PTPRD: variants seen among roughly 807,000 people sequenced by gnomAD.
PTPRD encodes protein tyrosine phosphatase receptor type D.
A neutral mutation model predicts 214.5 loss-of-function variants in PTPRD; 34 were observed. The ratio of observed to expected loss-of-function variants is 0.16; its 90% CI spans 0.12 to 0.21. The LOEUF is 0.21. PTPRD is among the 10% of genes least tolerant of loss of function. The pLI, the probability that PTPRD is intolerant of heterozygous loss-of-function variation, is 1.00. For synonymous variants in PTPRD, 1,128 were observed against 845.7 expected, an observed-to-expected ratio of 1.33 and a Z score of -5.79; for missense variants, 2,545 against 2,398.7, an observed-to-expected ratio of 1.06 and a Z score of -1.27.
intron 11 of PTPRD, among the ~76,000 whole-genome samples, chr9:8,901,178 G>A (rs1229015689): frequency 6.6e-6 from 1 of 152,140 alleles, no homozygotes; most frequent in East Asian, 1.9e-4. Flanking sequence ...GAGCTCAACA[G>A]CTCTGCACAT....
intron 3 of PTPRD, among the ~76,000 whole-genome samples, chr9:10,066,582 C>T (rs2097889486): frequency 6.6e-6 from 1 of 151,752 alleles, no homozygotes; most frequent in African/African-American, 2.4e-5. Context: ...AATCATGCCT[C>T]CATGGGGGGA....
intron 9 of PTPRD, among the ~76,000 whole-genome samples, chr9:9,224,505 G>A (rs984222378): frequency 1.1e-4 from 16 of 151,778 alleles, no homozygotes; most frequent in Non-Finnish European, 2.1e-4. Context: ...CTGAAAATGG[G>A]GGATAATAAA....
chr9:10,258,972 G>T (rs1301725589), intron 3 of PTPRD, among the ~76,000 whole-genome samples: 1 of 152,044 alleles, frequency 6.6e-6, no homozygotes, highest in East Asian at 1.9e-4. Context: ...AATTTTAAAG[G>T]TATCTGTTTC....
chr9:9,111,444 G>T (rs1025849007), intron 10 of PTPRD, among the ~76,000 whole-genome samples: 4 of 151,842 alleles, frequency 2.6e-5, no homozygotes, highest in African/African-American at 9.7e-5. Flanking sequence ...TCCTCACTTT[G>T]GATGTGGTCA....
chr9:8,965,989 C>T (rs1377121854), intron 11 of PTPRD, among the ~76,000 whole-genome samples: 2 of 151,982 alleles, frequency 1.3e-5, no homozygotes, highest in East Asian at 3.9e-4. Context: ...TTCTATACAC[C>T]AATAATGATG....
At chr9:9,810,581 GTTAC>G (rs917969192) in intron 5 of PTPRD, among the ~76,000 whole-genome samples, 3 of 150,596 alleles carry the variant, frequency 2.0e-5, no homozygotes, top group Non-Finnish European at 4.4e-5. Context: ...AATATTTTAA[GTTAC>G]TTGTTGAAAC....
At chr9:10,582,826 T>G (rs2072435085) in intron 2 of PTPRD, among the ~76,000 whole-genome samples, 1 of 152,162 alleles carries the variant, frequency 6.6e-6, no homozygotes, top group Admixed American at 6.5e-5. Context: ...GTGAAAGTCA[T>G]TAATGGTGTA....
intron 12 of PTPRD, among the ~76,000 whole-genome samples, chr9:8,702,703 G>C (rs890980168): frequency 6.6e-6 from 1 of 152,148 alleles, no homozygotes; most frequent in Non-Finnish European, 1.5e-5. Flanking sequence ...AACCTCCCGT[G>C]TTCAAGCGAT....
At chr9:8,786,446 G>A (rs1449942143) in intron 11 of PTPRD, among the ~76,000 whole-genome samples, 2 of 113,044 alleles carry the variant, frequency 1.8e-5, no homozygotes, top group Admixed American at 1.4e-4. Flanking sequence ...GTCTCGCTCT[G>A]TCGCCCAGCT....
intron 9 of PTPRD, among the ~76,000 whole-genome samples, chr9:9,250,123 C>T (rs1057268157): frequency 5.3e-5 from 8 of 152,142 alleles, no homozygotes; most frequent in Admixed American, 2.0e-4. Context: ...CATGAACAGT[C>T]GCATACATAC....
intron 2 of PTPRD, among the ~76,000 whole-genome samples, chr9:10,361,798 A>C (rs2154471146): frequency 6.6e-6 from 1 of 152,300 alleles, no homozygotes; most frequent in East Asian, 1.9e-4. Context: ...GAACCAAGGT[A>C]AGCAAGAATT....
intron 8 of PTPRD, among the ~76,000 whole-genome samples, chr9:9,495,526 G>A (rs994407885): frequency 3.3e-5 from 5 of 151,980 alleles, no homozygotes; most frequent in African/African-American, 1.2e-4. Context: ...AGACTCAGTC[G>A]GTAGAGGGAG....
At chr9:8,919,749 A>G (rs1329469312) in intron 11 of PTPRD, among the ~76,000 whole-genome samples, 13 of 151,820 alleles carry the variant, frequency 8.6e-5, no homozygotes, top group Non-Finnish European at 1.2e-4. Context: ...ATACATGTAT[A>G]CATGCATGCA....
At chr9:9,577,052 G>T (rs914798926) in intron 7 of PTPRD, among the ~76,000 whole-genome samples, 1 of 152,064 alleles carries the variant, frequency 6.6e-6, no homozygotes, top group Non-Finnish European at 1.5e-5. Context: ...CAGATATGTT[G>T]GGTATGTAGA....
intron 9 of PTPRD, among the ~76,000 whole-genome samples, chr9:9,247,089 A>C (rs1180412058): frequency 2.0e-5 from 3 of 152,058 alleles, no homozygotes; most frequent in Non-Finnish European, 4.4e-5. Context: ...GTAAAGTCTA[A>C]AAATGTCACT....
intron 10 of PTPRD, among the ~76,000 whole-genome samples, chr9:9,087,896 T>A (rs1355102760): frequency 7.2e-6 from 1 of 139,672 alleles, no homozygotes; most frequent in African/African-American, 2.7e-5. Context: ...TTTTTTTTTT[T>A]TTTTTTTTGA....
chr9:8,936,427 C>CAAAAA lies in PTPRD; in HGVS notation c.-104+82265_-104+82269dup, dbSNP rs1181403459. On this transcript the variant is annotated intron_variant, in intron 11 of 45. Coordinates refer to ENST00000381196, the MANE Select transcript of PTPRD (RefSeq NM_002839.4). ...AGGCAACAGAGCAAGACCCTGCCTC[C>CAAAAA]AAAAAAAAAAAAAAAAAAAAAAAGA... Among the ~76,000 whole-genome samples, 178 of 31,624 alleles carry CAAAAA rather than the reference C, an allele frequency of 5.6e-3. 30 individuals are homozygous for CAAAAA. In the East Asian group the frequency reaches 0.12, roughly 22 times the overall value. 20.7% of individuals were successfully genotyped at this position (31,624 alleles called of 152,430 possible).
chr9:8,551,982 G>A (rs1295749876), intron 14 of PTPRD, among the ~76,000 whole-genome samples: 1 of 152,126 alleles, frequency 6.6e-6, no homozygotes, highest in Non-Finnish European at 1.5e-5. Context: ...TTTTCTGGCT[G>A]TACTTCAATT....
At chr9:8,973,873 A>G (rs979797756) in intron 11 of PTPRD, among the ~76,000 whole-genome samples, 40 of 151,892 alleles carry the variant, frequency 2.6e-4, no homozygotes, top group African/African-American at 9.4e-4. Flanking sequence ...CTTTTAAGAA[A>G]TACTTCTTTG....
Sources: allele counts gnomAD v4.1 joint callset (sites outside exome capture counted in the v4.1 genomes callset), GRCh38; gene constraint gnomAD v4.1.1; transcripts MANE v1.5; gene names NCBI Gene and HGNC (gene_info 2026-07-23, HGNC 2026-07-21).